Variants in VSTM2A observed in about 807,000 individuals in gnomAD.
The protein encoded by VSTM2A is V-set and transmembrane domain-containing protein 2A.
VSTM2A carries 13 observed loss-of-function variants against 27.3 expected under a neutral mutation model. The observed-to-expected ratio is 0.48, with a 90% CI of 0.31 to 0.76. The LOEUF (loss-of-function observed/expected upper bound fraction) is 0.76, where lower values mean the gene tolerates loss of function less well. Ranked by LOEUF, VSTM2A falls within the 30% of genes least tolerant of loss-of-function variation. VSTM2A has a pLI of 0.05. For missense variants in VSTM2A, 280 were observed against 310.0 expected (o/e 0.90, Z 0.73); for synonymous variants, 142 against 125.7 (o/e 1.13, Z -0.87).
chr7:54,552,193 A>T (rs531790900), intron 4 of VSTM2A: 1 of 152,210 alleles, frequency 6.6e-6, no homozygotes, highest in Non-Finnish European at 1.5e-5. Context: ...CATGAAGTCT[A>T]TATTCATTAA....
rs368782989 is a variant in VSTM2A, at chr7:54,542,684, C to T, written c.-47C>T. Reference sequence around the variant, plus strand: ...CCACTCGCACGCCTTTCTTTCAGGGCTTTTCGGCTGTTGGCTACACTGATG... The same window carrying T: ...CCACTCGCACGCCTTTCTTTCAGGGTTTTTCGGCTGTTGGCTACACTGATG... On this transcript the variant is annotated 5_prime_UTR_variant, in exon 1 of 5. Transcript: ENST00000402613. 4 of 1,579,954 alleles carry T rather than the reference C, an allele frequency of 2.5e-6. No individual in the cohort carries two copies. Among genetic ancestry groups the T allele is most frequent in the East Asian group, 2.2e-5 (1 of 44,688 alleles).
intron 4 of VSTM2A, 88 bp downstream of exon 4, chr7:54,550,258 A>G (rs769855144): frequency 3.9e-6 from 6 of 1,528,666 alleles, no homozygotes; most frequent in Non-Finnish European, 5.3e-6. Context: ...AGATTTATGA[A>G]TGGTGATTTT....
intron 4 of VSTM2A, among the ~76,000 whole-genome samples, chr7:54,561,380 G>A (rs1364934844): frequency 2.1e-5 from 3 of 141,142 alleles, no homozygotes; most frequent in South Asian, 2.3e-4. Flanking sequence ...TTTGGTGAAC[G>A]TTTAAGAAAA....
chr7:54,568,896 C>A, intron 4 of VSTM2A: 1 of 1,190,086 alleles, frequency 8.4e-7, no homozygotes, highest in Non-Finnish European at 1.2e-6. Context: ...TCATGAGCAC[C>A]AGAGCCAAGC....
intron 1 of VSTM2A, among the ~76,000 whole-genome samples, chr7:54,544,148 G>A (rs1787867899): frequency 6.6e-6 from 1 of 152,214 alleles, no homozygotes; most frequent in Admixed American, 6.5e-5. Flanking sequence ...CCGTTTTGAT[G>A]TATCAGGAAT....
intron 2 of VSTM2A, chr7:54,546,660 T>C (rs1787996750): frequency 6.7e-6 from 2 of 300,664 alleles, no homozygotes; most frequent in Non-Finnish European, 1.2e-5. Context: ...GAGCGCAGCA[T>C]CCGCGCGGCA....
intron 1 of VSTM2A, 142 bp from the exon 2 acceptor site, chr7:54,544,480 G>C: frequency 1.0e-6 from 1 of 999,914 alleles, no homozygotes; most frequent in Non-Finnish European, 1.5e-6. Flanking sequence ...GAAGGGGGCT[G>C]GGGGAACCAG....
chr7:54,549,690 T>C, intron 3 of VSTM2A, 144 bp from the exon 4 acceptor site: 1 of 728,240 alleles, frequency 1.4e-6, no homozygotes, highest in Admixed American at 3.1e-5. Flanking sequence ...AGATGTGACG[T>C]TAAGGAAATA....
In VSTM2A at chr7:54,569,518, A is replaced by G; in HGVS notation, c.*299A>G. The G allele has an allele frequency of 2.6e-6, 1 of 387,698 alleles. No individual in the cohort carries two copies. The highest frequency in any genetic ancestry group is 4.7e-6 in the Non-Finnish European group (1 of 214,166). 24.0% of individuals were successfully genotyped at this position (387,698 alleles called of 1,614,324 possible). A position where few individuals can be genotyped will look rare whatever the true frequency, so the allele number is the denominator to read the frequency against. On this transcript the variant is annotated 3_prime_UTR_variant, in exon 5 of 5. Coordinates refer to ENST00000402613, the MANE Select transcript of VSTM2A (RefSeq NM_001301009.2). ...ATCTTCAGGAAGCAAACAGAGATCAAAAGGCTACAGAACAGAAGCTATCAT... is the reference window on the plus strand; with the variant it reads ...ATCTTCAGGAAGCAAACAGAGATCAGAAGGCTACAGAACAGAAGCTATCAT...
chr7:54,548,567 C>A lies in VSTM2A; in HGVS notation c.298-1267C>A, dbSNP rs78316299. ...CACTCAGTGTTGAAAATCACTGACC[C>A]AAACACCCCAAGCCTCAGTTTACTC... is the stretch of plus-strand genomic sequence containing the variant. On this transcript the variant is annotated intron_variant, in intron 3 of 4. Transcript: ENST00000402613. Among the ~76,000 whole-genome samples, 1,194 of 152,174 alleles carry A rather than the reference C, an allele frequency of 7.8e-3. 12 individuals are homozygous for A. Among genetic ancestry groups the A allele is most frequent in the Middle Eastern group, 0.01 (3 of 294 alleles).
intron 2 of VSTM2A, among the ~76,000 whole-genome samples, chr7:54,545,354 G>A (rs1052164419): frequency 1.3e-5 from 2 of 149,840 alleles, no homozygotes; most frequent in Non-Finnish European, 3.0e-5. Flanking sequence ...AAGAAAGGGG[G>A]AGACCGGGAG....
At chr7:54,561,980 A>C (rs1304287496) in intron 4 of VSTM2A, among the ~76,000 whole-genome samples, 1 of 151,960 alleles carries the variant, frequency 6.6e-6, no homozygotes, top group African/African-American at 2.4e-5. Context: ...GCTGGAGTGC[A>C]GTGGCGTGAT....
At chr7:54,547,078 C>T (rs1010121263) in intron 3 of VSTM2A, 81 bp downstream of exon 3, 37 of 1,470,596 alleles carry the variant, frequency 2.5e-5, no homozygotes, top group Non-Finnish European at 3.2e-5. Flanking sequence ...GGCGGCTTGC[C>T]AGCGCTGCAG....
intron 1 of VSTM2A, among the ~76,000 whole-genome samples, chr7:54,544,036 G>C (rs1050629919): frequency 6.6e-6 from 1 of 152,164 alleles, no homozygotes; most frequent in Non-Finnish European, 1.5e-5. Context: ...GACTTGATGG[G>C]AACAAATAAA....
rs1484565283 is a variant in VSTM2A, at chr7:54,549,908, A to G, written c.372A>G (p.Leu124=). 2 of 1,613,844 alleles carry G rather than the reference A, an allele frequency of 1.2e-6. No individual in the cohort carries two copies. The highest frequency in any genetic ancestry group is 1.7e-6 in the Non-Finnish European group (2 of 1,179,882). ...AAGTGAGGAAAAAGGATGAAGGCTT[A>G]TATGAGTGCAGGGTGACTGATGCCA... ...ISKVRKKDEG[L]YECRVTDANY... Residue 124 remains leucine (L), a synonymous_variant, in exon 4 of 5, where the codon TTA becomes TTG. Coordinates refer to ENST00000402613, the MANE Select transcript of VSTM2A (RefSeq NM_001301009.2).
chr7:54,560,391 T>G (rs1000104547), intron 4 of VSTM2A, among the ~76,000 whole-genome samples: 6 of 152,166 alleles, frequency 3.9e-5, no homozygotes, highest in Non-Finnish European at 5.9e-5. Context: ...ATAGGTGTGA[T>G]CTTGATGAAT....
intron 4 of VSTM2A, chr7:54,556,958 A>G (rs1174007165): frequency 6.6e-6 from 1 of 152,246 alleles, no homozygotes; most frequent in Non-Finnish European, 1.5e-5. Flanking sequence ...AAGTGATTCC[A>G]TGATGTCTGC....
chr7:54,556,908 A>T (rs931898048), intron 4 of VSTM2A: 4 of 152,230 alleles, frequency 2.6e-5, no homozygotes, highest in African/African-American at 9.6e-5. Flanking sequence ...AATTAAGAAG[A>T]CATGAAACGG....
rs1481359342 is a variant in VSTM2A, at chr7:54,546,942, C to G, written c.247-5C>G. ...CGGGACTGAGCGTTCGCTCCTTGCC[C>G]GCAGGTGGAGCTCTTGCCCGACAGA... is the stretch of plus-strand genomic sequence containing the variant. On this transcript the variant is annotated splice_region_variant and splice_polypyrimidine_tract_variant and intron_variant, in intron 2 of 4. Transcript: ENST00000402613. The G allele has an allele frequency of 6.3e-7, 1 of 1,598,072 alleles. No individual in the cohort carries two copies.
Sources: allele counts gnomAD v4.1 joint callset (sites outside exome capture counted in the v4.1 genomes callset), GRCh38; gene constraint gnomAD v4.1.1; transcripts MANE v1.5; gene names NCBI Gene and HGNC (gene_info 2026-07-23, HGNC 2026-07-21).